Variants in PRICKLE2 observed in about 807,000 individuals in gnomAD.
The protein encoded by PRICKLE2 is prickle-like protein 2.
PRICKLE2 carries 21 observed loss-of-function variants against 81.4 expected under a neutral mutation model. The ratio of observed to expected loss-of-function variants is 0.26; its 90% CI spans 0.18 to 0.37. The LOEUF is 0.37. Among genes scored for constraint, PRICKLE2 ranks in the 10% least tolerant of loss-of-function variants. The pLI, the probability that PRICKLE2 is intolerant of heterozygous loss-of-function variation, is 1.00. For synonymous variants in PRICKLE2, 456 were observed against 421.5 expected, an observed-to-expected ratio of 1.08 and a Z score of -1.00; for missense variants, 940 against 1,109.0, an observed-to-expected ratio of 0.85 and a Z score of 2.16.
At chr3:64,126,989 T>A (rs2077118628) in intron 7 of PRICKLE2, among the ~76,000 whole-genome samples, 1 of 152,198 alleles carries the variant, frequency 6.6e-6, no homozygotes, top group Non-Finnish European at 1.5e-5. Flanking sequence ...GTTTATCAAA[T>A]GCCTACTATG....
chr3:64,223,074 A>G (rs1461347141), intron 1 of PRICKLE2, among the ~76,000 whole-genome samples: 5 of 152,244 alleles, frequency 3.3e-5, no homozygotes, highest in South Asian at 4.1e-4. Context: ...TGGATATAAC[A>G]GTACCAGAGA....
chr3:64,135,021 C>T (rs1236885221), intron 7 of PRICKLE2, among the ~76,000 whole-genome samples: 2 of 152,174 alleles, frequency 1.3e-5, no homozygotes, highest in Non-Finnish European at 2.9e-5. Context: ...GCAGCAGAGT[C>T]ACTGCTAGGG....
intron 7 of PRICKLE2, among the ~76,000 whole-genome samples, chr3:64,140,382 T>C (rs1424774105): frequency 1.3e-5 from 2 of 152,198 alleles, no homozygotes; most frequent in African/African-American, 4.8e-5. Flanking sequence ...GAAACGTTGT[T>C]TCCCCTTCCC....
intron 7 of PRICKLE2, among the ~76,000 whole-genome samples, chr3:64,128,461 T>C (rs1420271057): frequency 6.6e-6 from 1 of 151,840 alleles, no homozygotes; most frequent in Non-Finnish European, 1.5e-5. Flanking sequence ...TTAAAAAGCG[T>C]ATTTGGCCAG....
rs184474107 is a variant in PRICKLE2 at position 64,096,801 on chromosome 3, C to T, written c.*2250G>A. On this transcript the variant is annotated 3_prime_UTR_variant, in exon 8 of 8. Coordinates refer to ENST00000638394, the MANE Select transcript of PRICKLE2 (RefSeq NM_198859.4). ...TGAGAAAAACAGAGTTAGGAAGCAA[C>T]TTTTACTGGGAGAATTTCTTTCACT... is the stretch of plus-strand genomic sequence containing the variant. 6.6e-6 allele frequency: 1 copy of T among 152,562 alleles called. No individual in the cohort carries two copies. Among genetic ancestry groups the T allele is most frequent in the African/African-American group, 2.4e-5 (1 of 41,424 alleles). The allele number at this position is 152,562 out of a possible 1,614,324, so 9.5% of individuals were successfully genotyped here.
chr3:64,201,181 G>A (rs867874838), intron 1 of PRICKLE2, among the ~76,000 whole-genome samples: 7 of 147,194 alleles, frequency 4.8e-5, no homozygotes, highest in African/African-American at 7.5e-5. Context: ...CGCCTGCCTC[G>A]GCCTCCCAAA....
At chr3:64,217,428 C>A (rs1202441910) in intron 1 of PRICKLE2, among the ~76,000 whole-genome samples, 1 of 152,116 alleles carries the variant, frequency 6.6e-6, no homozygotes, top group Non-Finnish European at 1.5e-5. Flanking sequence ...ATATCCATCA[C>A]GTAAATAGTG....
rs114288556 is a variant in PRICKLE2, at chr3:64,256,273, G to A, written c.129-57306C>T. Among the ~76,000 whole-genome samples the A allele has an allele frequency of 5.3e-3, 802 of 152,238 alleles. 5 individuals carry two copies. The highest frequency in any genetic ancestry group is 0.018 in the African/African-American group (768 of 41,538). On this transcript the variant is annotated intron_variant, in intron 2 of 8. Coordinates refer to the PRICKLE2 transcript ENST00000295902. ...TAGATAAATATTTGCAATCAATTTG[G>A]TAATAGGAGACAGTAACTCTAAACC... is the stretch of plus-strand genomic sequence containing the variant.
chr3:64,153,624 A>C, intron 5 of PRICKLE2: 1 of 474,872 alleles, frequency 2.1e-6, no homozygotes, highest in Non-Finnish European at 3.8e-6. Context: ...AAGAGAAAGA[A>C]TGTTCTACCC....
intron 2 of PRICKLE2, among the ~76,000 whole-genome samples, chr3:64,254,404 C>T (rs1384521257): frequency 1.3e-5 from 2 of 152,110 alleles, no homozygotes; most frequent in South Asian, 2.1e-4. Context: ...AGGCGACAGA[C>T]AAGACTGAAA....
At chr3:64,138,304 A>C (rs184308716) in intron 7 of PRICKLE2, among the ~76,000 whole-genome samples, 1 of 152,186 alleles carries the variant, frequency 6.6e-6, no homozygotes, top group Non-Finnish European at 1.5e-5. Flanking sequence ...GACATACCAG[A>C]GCTATCATTC....
At chr3:64,170,670 G>A (rs982474186) in intron 2 of PRICKLE2, among the ~76,000 whole-genome samples, 1 of 149,944 alleles carries the variant, frequency 6.7e-6, no homozygotes, top group African/African-American at 2.5e-5. Context: ...GACTGGCCTG[G>A]GAAACAAAGG....
chr3:64,224,150 A>C (rs1391115613), intron 1 of PRICKLE2, among the ~76,000 whole-genome samples: 1 of 152,184 alleles, frequency 6.6e-6, no homozygotes, highest in Non-Finnish European at 1.5e-5. Flanking sequence ...CGCTAACCTC[A>C]GTGTGATTTG....
intron 7 of PRICKLE2, among the ~76,000 whole-genome samples, chr3:64,109,327 T>C (rs759203225): frequency 2.6e-5 from 4 of 152,236 alleles, no homozygotes; most frequent in Non-Finnish European, 4.4e-5. Flanking sequence ...AGTTAAGGCC[T>C]TTGCTGTCTA....
intron 2 of PRICKLE2, among the ~76,000 whole-genome samples, chr3:64,242,264 C>T (rs1226930495): frequency 6.6e-6 from 1 of 152,084 alleles, no homozygotes; most frequent in African/African-American, 2.4e-5. Context: ...TTAATGTCAC[C>T]TTCTTAGCAG....
chr3:64,256,302 C>G (rs2079523724), intron 2 of PRICKLE2, among the ~76,000 whole-genome samples: 1 of 152,150 alleles, frequency 6.6e-6, no homozygotes, highest in Non-Finnish European at 1.5e-5. Context: ...CTAAACCTCA[C>G]TTCCTCAAAA....
At chr3:64,102,076 G>A (rs887365369) in intron 7 of PRICKLE2, 1 of 152,210 alleles carries the variant, frequency 6.6e-6, no homozygotes, top group African/African-American at 2.4e-5. Context: ...TTAGACAGAT[G>A]CCAAAAGGAG....
chr3:64,220,916 C>G (rs186582867), intron 1 of PRICKLE2, among the ~76,000 whole-genome samples: 1 of 152,254 alleles, frequency 6.6e-6, no homozygotes, highest in Non-Finnish European at 1.5e-5. Flanking sequence ...AAAATCTGCT[C>G]CTTTTAATTA....
At chr3:64,182,760 A>G (rs936549917) in intron 2 of PRICKLE2, 3 of 152,170 alleles carry the variant, frequency 2.0e-5, no homozygotes, top group Non-Finnish European at 4.4e-5. Context: ...AGTGGCTAAC[A>G]GACTAAGACA....
Sources: gnomAD v4.1 joint callset for allele counts (sites outside exome capture counted in the v4.1 genomes callset) on GRCh38, gnomAD v4.1.1 for gene constraint, MANE v1.5 for transcripts, NCBI Gene and HGNC (gene_info 2026-07-23, HGNC 2026-07-21) for gene names.